Variants in ZNF248 observed in about 807,000 individuals in gnomAD.
ZNF248 encodes the protein KRAB protein domain.
A neutral mutation model predicts 44.3 loss-of-function variants in ZNF248; 20 were observed. The observed-to-expected ratio is 0.45, with a 90% CI of 0.32 to 0.66. ZNF248 has a LOEUF of 0.66. Among genes scored for constraint, ZNF248 ranks in the 30% least tolerant of loss-of-function variants. ZNF248 has a pLI of 0.04. For missense variants in ZNF248, 654 were observed against 677.0 expected (o/e 0.97, Z 0.38); for synonymous variants, 224 against 229.0 (o/e 0.98, Z 0.20).
downstream of ZNF248, among the ~76,000 whole-genome samples, chr10:37,824,672 A>ATTTTTTTT (rs1564542451): frequency 9.0e-4 from 55 of 61,302 alleles, 1 homozygote; most frequent in African/African-American, 3.5e-3. Flanking sequence ...AATTATTTTA[A>ATTTTTTTT]ATTTTTTTTT....
chr10:37,792,473 T>A (rs962338725), intron 6 of ZNF248, among the ~76,000 whole-genome samples: 1 of 152,316 alleles, frequency 6.6e-6, no homozygotes, highest in Admixed American at 6.5e-5. Context: ...GAAGCTTAAC[T>A]CTTCATGCCT....
At chr10:37,814,407 G>A (rs529469869) in intron 6 of ZNF248, among the ~76,000 whole-genome samples, 22 of 152,204 alleles carry the variant, frequency 1.4e-4, no homozygotes, top group African/African-American at 4.6e-4. Flanking sequence ...ATCAAAAAGT[G>A]GAATTACTAA....
At chr10:37,819,303 A>T in intron 6 of ZNF248, 1 of 1,000,962 alleles carries the variant, frequency 1.0e-6, no homozygotes, top group South Asian at 1.3e-5. Flanking sequence ...ACTGTACAAA[A>T]TGAGTCAGTA....
chr10:37,760,978 G>A, the ZNF248 span, among the ~76,000 whole-genome samples: 1 of 152,222 alleles, frequency 6.6e-6, no homozygotes, highest in African/African-American at 2.4e-5. Flanking sequence ...CCACAAGAAC[G>A]AGATGGCATG....
intron 6 of ZNF248, among the ~76,000 whole-genome samples, chr10:37,790,451 G>T (rs916295095): frequency 6.6e-6 from 1 of 151,672 alleles, no homozygotes; most frequent in Non-Finnish European, 1.5e-5. Context: ...AGTGGCTCAC[G>T]CCTGTAATCA....
chr10:37,801,566 T>C (rs2049839515), intron 6 of ZNF248, among the ~76,000 whole-genome samples: 1 of 152,026 alleles, frequency 6.6e-6, no homozygotes, highest in Admixed American at 6.6e-5. Flanking sequence ...CTCCAAAATA[T>C]ATACAAGAGC....
intron 6 of ZNF248, among the ~76,000 whole-genome samples, chr10:37,816,965 A>G (rs1489914419): frequency 6.6e-6 from 1 of 152,084 alleles, no homozygotes; most frequent in African/African-American, 2.4e-5. Flanking sequence ...TTCTCAGGAC[A>G]CCATGCCTGA....
At chr10:37,762,434 G>T in the ZNF248 span, among the ~76,000 whole-genome samples, 1 of 152,072 alleles carries the variant, frequency 6.6e-6, no homozygotes, top group African/African-American at 2.4e-5. Context: ...AACAGACCTG[G>T]GATTTGAGCC....
chr10:37,768,896 G>A, the ZNF248 span, among the ~76,000 whole-genome samples: 2 of 152,124 alleles, frequency 1.3e-5, no homozygotes, highest in East Asian at 3.8e-4. Context: ...AAGAAGAAAA[G>A]AGAGAAGAAT....
At chr10:37,845,524 A>G (rs568091599) in intron 3 of ZNF248, among the ~76,000 whole-genome samples, 1 of 152,268 alleles carries the variant, frequency 6.6e-6, no homozygotes, top group East Asian at 1.9e-4. Context: ...TTATGAAAAG[A>G]CAACTTTAAA....
At chr10:37,838,819 ATAAT>A (rs2057760921) in intron 3 of ZNF248, among the ~76,000 whole-genome samples, 2 of 152,226 alleles carry the variant, frequency 1.3e-5, no homozygotes, top group Admixed American at 1.3e-4. Context: ...AAAATGAATT[ATAAT>A]TAATATGTTC....
chr10:37,798,508 C>T lies in ZNF248; in HGVS notation c.331-21933G>A, dbSNP rs941534520. ...AATTTGGAAAGATCTCCAGTATATA[C>T]TGTTATATGTAAAAATTAAAGGACA... On this transcript the variant is annotated intron_variant, in intron 6 of 6. Transcript: ENST00000615949. Among the ~76,000 whole-genome samples the T allele has an allele frequency of 6.6e-5, 10 of 152,094 alleles. No individual in the cohort carries two copies. In the Middle Eastern group the frequency reaches 0.01, roughly 156 times the overall value.
At chr10:37,803,244 A>G (rs2050055289) in intron 6 of ZNF248, 2 of 152,208 alleles carry the variant, frequency 1.3e-5, no homozygotes, top group Admixed American at 1.3e-4. Context: ...ACATCAGAAT[A>G]GGAACAATGA....
At chr10:37,773,775 A>T (rs1482159099), downstream of ZNF248, among the ~76,000 whole-genome samples, 1 of 152,126 alleles carries the variant, frequency 6.6e-6, no homozygotes, top group African/African-American at 2.4e-5. Flanking sequence ...AGCCCATGCT[A>T]ATGGTCTCAT....
the ZNF248 span, among the ~76,000 whole-genome samples, chr10:37,760,807 T>G: frequency 6.6e-6 from 1 of 152,020 alleles, no homozygotes; most frequent in Non-Finnish European, 1.5e-5. Context: ...GCAGTCCAGC[T>G]CTGGATGACA....
At chr10:37,794,204 C>T (rs1036513197) in intron 6 of ZNF248, 4 of 152,224 alleles carry the variant, frequency 2.6e-5, no homozygotes, top group African/African-American at 9.6e-5. Flanking sequence ...TGATGTACCA[C>T]AGAGTTTGTC....
rs1019662124 is a variant in ZNF248, at chr10:37,830,932, G to A, written c.*683C>T. The A allele has an allele frequency of 5.8e-5, 18 of 309,310 alleles. No homozygotes were observed. Among genetic ancestry groups the A allele is most frequent in the South Asian group, 1.2e-4 (1 of 8,188 alleles). 19.2% of individuals were successfully genotyped at this position (309,310 alleles called of 1,614,324 possible). On this transcript the variant is annotated 3_prime_UTR_variant, in exon 6 of 6. Coordinates refer to ENST00000395867, the MANE Select transcript of ZNF248 (RefSeq NM_021045.3). Reference sequence around the variant, plus strand: ...TAAATAATGACTGCTTTTAATAACTGGCTCACAAAATTCCTTAAAATTTAA... The same window carrying A: ...TAAATAATGACTGCTTTTAATAACTAGCTCACAAAATTCCTTAAAATTTAA...
At chr10:37,849,204 C>A (rs758195583) in intron 3 of ZNF248, among the ~76,000 whole-genome samples, 1 of 151,882 alleles carries the variant, frequency 6.6e-6, no homozygotes, top group East Asian at 1.9e-4. Context: ...AAGACTAAGG[C>A]GGATCACCTG....
chr10:37,808,068 T>A (rs1015438190), intron 6 of ZNF248, among the ~76,000 whole-genome samples: 11 of 152,124 alleles, frequency 7.2e-5, no homozygotes, highest in African/African-American at 2.7e-4. Context: ...GAAAGAGTGT[T>A]GAAATATGTC....
Sources: allele counts gnomAD v4.1 joint callset (sites outside exome capture counted in the v4.1 genomes callset), GRCh38; gene constraint gnomAD v4.1.1; transcripts MANE v1.5; gene names NCBI Gene and HGNC (gene_info 2026-07-23, HGNC 2026-07-21).